The following ATP13A2 variants were observed in gnomAD, a reference collection of about 807,000 sequenced individuals.
ATP13A2 encodes the protein ATPase cation transporting 13A2.
Under a neutral mutation model 138.3 loss-of-function variants are expected in ATP13A2, and 83 were observed. That is an observed-to-expected ratio of 0.60 (90% CI 0.50 to 0.72). The LOEUF is 0.72. Among genes scored for constraint, ATP13A2 ranks in the 30% least tolerant of loss-of-function variants. ATP13A2 has a pLI of 0.00. For synonymous variants in ATP13A2, 663 were observed against 699.0 expected, an observed-to-expected ratio of 0.95 and a Z score of 0.81; for missense variants, 1,402 against 1,606.4, an observed-to-expected ratio of 0.87 and a Z score of 2.17.
At chr1:16,998,341 A>G (rs2077220580) in intron 11 of ATP13A2, among the ~76,000 whole-genome samples, 1 of 152,096 alleles carries the variant, frequency 6.6e-6, no homozygotes, top group African/African-American at 2.4e-5. Flanking sequence ...AGTACCTGGG[A>G]CGATAGACGT....
intron 20 of ATP13A2, 112 bp from the exon 21 acceptor site, chr1:16,990,399 CCAAG>C (rs1480075790): frequency 1.4e-6 from 2 of 1,390,346 alleles, no homozygotes; most frequent in African/African-American, 2.8e-5. Context: ...CCACCACCAG[CCAAG>C]TGAGCTGAGG....
chr1:16,997,414 C>CGGCG (rs1424418496), intron 11 of ATP13A2, among the ~76,000 whole-genome samples: 59 of 56,592 alleles, frequency 1.0e-3, no homozygotes, highest in Middle Eastern at 7.7e-3. Flanking sequence ...CTGGAACCAG[C>CGGCG]GGGGGGGGGT....
At chr1:16,992,701 T>C in intron 16 of ATP13A2, 120 bp from the exon 17 acceptor site, 1 of 974,630 alleles carries the variant, frequency 1.0e-6, no homozygotes, top group Non-Finnish European at 1.6e-6. Context: ...ATGTGGGCTT[T>C]GGAGCCCGGT....
chr1:17,000,278 G>T lies in ATP13A2; in HGVS notation c.875C>A (p.Ser292Tyr). The T allele has an allele frequency of 6.3e-7, 1 of 1,578,272 alleles. No homozygotes were observed. The highest frequency in any genetic ancestry group is 8.6e-7 in the Non-Finnish European group (1 of 1,162,074). Reference sequence around the variant, plus strand: ...TGGCCGGCACACGCACACCCGCATGGACAACTTGACCATGTCCCTTAGAGT... The same window carrying T: ...TGGCCGGCACACGCACACCCGCATGTACAACTTGACCATGTCCCTTAGAGT... ...SQTLRDMVKL[S>Y]MRVCVCRPGG... Residue 292 changes from serine to tyrosine, a missense_variant, in exon 10 of 29, where the codon TCC (serine) becomes TAC (tyrosine). Transcript: ENST00000326735.
intron 6 of ATP13A2, among the ~76,000 whole-genome samples, chr1:17,003,625 A>G (rs1344038193): frequency 6.6e-6 from 1 of 150,508 alleles, no homozygotes; most frequent in African/African-American, 2.4e-5. Flanking sequence ...ACACACACAT[A>G]CACACAAACT....
chr1:16,986,683 C>T lies in ATP13A2; in HGVS notation c.3236-51G>A. ...AGGAGCCACGCCCCCCCGGCACCCACAGACACACGTGTGCACGCCAGTCTT... is the reference window on the plus strand; with the variant it reads ...AGGAGCCACGCCCCCCCGGCACCCATAGACACACGTGTGCACGCCAGTCTT... On this transcript the variant is annotated intron_variant, in intron 27 of 28. Coordinates refer to ENST00000326735, the MANE Select transcript of ATP13A2 (RefSeq NM_022089.4). This position sits in a 1 kb window ranked among gnomAD's most constrained non-coding sequence, Gnocchi z 6.9. The T allele has an allele frequency of 1.3e-6, 2 of 1,574,448 alleles. No individual in the cohort carries two copies. Among genetic ancestry groups the T allele is most frequent in the South Asian group, 1.1e-5 (1 of 88,088 alleles).
At position 17,005,666 on chromosome 1, in the gene ATP13A2, C is replaced by T. The variant is rs1273293941; in HGVS notation, c.105+18G>A. On this transcript the variant is annotated intron_variant, in intron 2 of 28. Coordinates refer to ENST00000326735, the MANE Select transcript of ATP13A2 (RefSeq NM_022089.4). ...TTCACCCCCTGCAGCTTTTCCCCACCCCACTCTGCCCACTTACCACGGATG... is the reference window on the plus strand; with the variant it reads ...TTCACCCCCTGCAGCTTTTCCCCACTCCACTCTGCCCACTTACCACGGATG... The T allele has an allele frequency of 4.3e-6, 7 of 1,613,616 alleles. No individual in the cohort carries two copies. Among genetic ancestry groups the T allele is most frequent in the Non-Finnish European group, 5.9e-6 (7 of 1,179,768 alleles).
Position 17,000,088 on chromosome 1 carries a change from G to A in ATP13A2, c.962C>T (p.Pro321Leu). ...ELVPGDCLVL[P>L]QEGGLMPCDA... ...ACAGGGCATCAGCCCACCCTCCTGG[G>A]GCAGCACCAGGCAGTCTCCGGGCAC... The change falls in exon 11 of 29, where the codon CCC becomes CTC. Residue 321 changes from proline to leucine, a missense_variant. Physicochemically the swap from Pro to Leu is moderately conservative, Grantham distance 98 (BLOSUM62 -3). Coordinates refer to ENST00000326735, the MANE Select transcript of ATP13A2 (RefSeq NM_022089.4). 1 of 1,613,488 alleles carries A rather than the reference G, an allele frequency of 6.2e-7. No homozygotes were observed. The highest frequency in any genetic ancestry group is 8.5e-7 in the Non-Finnish European group (1 of 1,179,972).
At chr1:17,005,145 G>A (rs56236553) in intron 3 of ATP13A2, 73 bp from the exon 4 acceptor site, 74 of 1,591,302 alleles carry the variant, frequency 4.7e-5, no homozygotes, top group South Asian at 8.8e-5. Context: ...ACAGCCAGGC[G>A]GCCCCTGCTG....
At chr1:16,996,322 G>A (rs372993234) in intron 13 of ATP13A2, 22 bp from the exon 14 acceptor site, 3 of 1,614,076 alleles carry the variant, frequency 1.9e-6, no homozygotes, top group Non-Finnish European at 2.5e-6. Flanking sequence ...GCGAAGGACT[G>A]AGTGGGATTT....
intron 1 of ATP13A2, among the ~76,000 whole-genome samples, chr1:17,006,490 A>T (rs1413481549): frequency 6.6e-6 from 1 of 152,034 alleles, no homozygotes. Context: ...ACCTCAAGTG[A>T]TCTGCCCACT....
chr1:16,997,700 G>T lies in ATP13A2; in HGVS notation c.1040-525C>A, dbSNP rs549130525. On this transcript the variant is annotated intron_variant, in intron 11 of 28. Transcript: ENST00000326735. ...CTACTAAAATACAAAAATTAGCCGGGTGTTGTGGTGGGCATCTGTAATCCC... is the reference window on the plus strand; with the variant it reads ...CTACTAAAATACAAAAATTAGCCGGTTGTTGTGGTGGGCATCTGTAATCCC... Among the ~76,000 whole-genome samples, 6 of 152,096 alleles carry T rather than the reference G, an allele frequency of 3.9e-5. No individual in the cohort carries two copies. The South Asian group carries it at 1.2e-3, about 32-fold the overall frequency.
rs576370110 is a variant in ATP13A2, at chr1:17,011,449, G to A, written c.10+280C>T. 2.0e-5 allele frequency among the ~76,000 whole-genome samples: 3 copies of A among 152,274 alleles called. No homozygotes were observed. The South Asian group carries it at 6.2e-4, about 32-fold the overall frequency. ...ACGGCCCCAGGACCCTCTTGCACAA[G>A]CGCCCGGCTTCCAATCCCGCGGCTG... is the stretch of plus-strand genomic sequence containing the variant. On this transcript the variant is annotated intron_variant, in intron 1 of 28. Transcript: ENST00000326735. The surrounding 1 kb of genome is among the most constrained non-coding windows in gnomAD (Gnocchi z 7.3).
In ATP13A2 at chr1:16,990,285, C is replaced by T. The variant is rs1183264977; in HGVS notation, c.2254G>A (p.Asp752Asn). 1.2e-6 allele frequency: 2 copies of T among 1,613,968 alleles called. No individual in the cohort carries two copies. The highest frequency in any genetic ancestry group is 1.7e-6 in the Non-Finnish European group (2 of 1,180,024). The change falls in exon 21 of 29, where the codon GAC becomes AAC. Residue 752 changes from aspartate (D) to asparagine (N), a missense_variant and splice_region_variant. By Grantham distance (23) the Asp-to-Asn change is conservative. Coordinates refer to ENST00000326735, the MANE Select transcript of ATP13A2 (RefSeq NM_022089.4). Reference sequence around the variant, plus strand: ...ACAGTCACCGCTGTCTGCAGGTTGTCCCCTGGGGGTTATGGGGCAAGGTGA... The same window carrying T: ...ACAGTCACCGCTGTCTGCAGGTTGTTCCCTGGGGGTTATGGGGCAAGGTGA... ...TRIRAVMVTG[D>N]NLQTAVTVAR...
rs769045689 is a variant in ATP13A2, at chr1:16,992,011, C to T, written c.2124G>A (p.Thr708=). The part of the protein sequence containing the change: ...VPSLEAAQQL[T]RDTVEGDLSL... ...GGTGGGACAGGAGACAGGCCCACCTCGTCAGTTGCTGGGCTGCCTCCAGGC... is the reference window on the plus strand; with the variant it reads ...GGTGGGACAGGAGACAGGCCCACCTTGTCAGTTGCTGGGCTGCCTCCAGGC... Residue 708 remains threonine, a splice_region_variant and synonymous_variant, in exon 19 of 29, where the codon ACG becomes ACA. Coordinates refer to ENST00000326735, the MANE Select transcript of ATP13A2 (RefSeq NM_022089.4). 36 of 1,612,350 alleles carry T rather than the reference C, an allele frequency of 2.2e-5. No individual in the cohort carries two copies. Among genetic ancestry groups the T allele is most frequent in the Non-Finnish European group, 2.9e-5 (34 of 1,179,090 alleles).
intron 25 of ATP13A2, 36 bp from the exon 26 acceptor site, chr1:16,987,305 G>T (rs758872144): frequency 6.2e-7 from 1 of 1,602,298 alleles, no homozygotes; most frequent in South Asian, 1.1e-5. Flanking sequence ...GGGAAACTAA[G>T]ACCTGGCCCT....
chr1:17,005,325 C>T, intron 3 of ATP13A2, 49 bp downstream of exon 3: 2 of 1,557,998 alleles, frequency 1.3e-6, no homozygotes, highest in Non-Finnish European at 1.7e-6. Context: ...CACCCCCGAC[C>T]CTGACCCTCA....
In ATP13A2 at chr1:17,011,247, G is replaced by A. The variant is rs2077776675; in HGVS notation, c.10+482C>T. Among the ~76,000 whole-genome samples, 1 of 152,078 alleles carries A rather than the reference G, an allele frequency of 6.6e-6. No homozygotes were observed. Among genetic ancestry groups the A allele is most frequent in the African/African-American group, 2.4e-5 (1 of 41,402 alleles). ...GCAGGAGGTCAGGAGTGGCGCTGTG[G>A]CCCAGGACATCTACCCAGGAAATGG... is the stretch of plus-strand genomic sequence containing the variant. On this transcript the variant is annotated intron_variant, in intron 1 of 28. Coordinates refer to ENST00000326735, the MANE Select transcript of ATP13A2 (RefSeq NM_022089.4). This position sits in a 1 kb window ranked among gnomAD's most constrained non-coding sequence, Gnocchi z 7.3.
In ATP13A2 at chr1:17,000,460, G is replaced by A; in HGVS notation, c.780C>T (p.Ala260=). 1 of 1,614,080 alleles carries A rather than the reference G, an allele frequency of 6.2e-7. No individual in the cohort carries two copies. The highest frequency in any genetic ancestry group is 1.1e-5 in the South Asian group (1 of 91,074). ...TGGAGGAAATGAGGAAGATGCACAG[G>A]GCGTACCAGTAGTAGTGGTCAGCCA... ...LWLADHYYWY[A]LCIFLISSIS... Residue 260 remains alanine (A), a synonymous_variant, in exon 9 of 29, where the codon GCC becomes GCT. Transcript: ENST00000326735.
Sources: gnomAD v4.1 joint callset for allele counts (sites outside exome capture counted in the v4.1 genomes callset) on GRCh38, gnomAD v4.1.1 for gene constraint, Gnocchi (gnomAD v3.1) non-coding constraint, MANE v1.5 for transcripts, NCBI Gene and HGNC (gene_info 2026-07-23, HGNC 2026-07-21) for gene names.